CDH23: variants seen among roughly 807,000 people sequenced by gnomAD.
CDH23 encodes cadherin-23.
CDH23 carries 189 observed loss-of-function variants against 317.1 expected under a neutral mutation model. The ratio of observed to expected loss-of-function variants is 0.60; its 90% CI spans 0.53 to 0.67. The LOEUF (loss-of-function observed/expected upper bound fraction) is 0.67, where lower values mean the gene tolerates loss of function less well. CDH23 is among the 30% of genes least tolerant of loss of function. The probability of loss-of-function intolerance (pLI) is 0.00; values close to 1 mark genes in which losing one functional copy is unlikely to be tolerated. For synonymous variants in CDH23, 1,839 were observed against 1,876.8 expected, an observed-to-expected ratio of 0.98 and a Z score of 0.52; for missense variants, 4,401 against 4,592.4, an observed-to-expected ratio of 0.96 and a Z score of 1.20.
At chr10:71,627,052 G>A (rs1007962699) in intron 11 of CDH23, among the ~76,000 whole-genome samples, 12 of 152,018 alleles carry the variant, frequency 7.9e-5, no homozygotes, top group African/African-American at 2.2e-4. Context: ...CTCGCAGCAA[G>A]GGTTGAGCAT....
chr10:71,810,153 G>T, intron 61 of CDH23, 77 bp downstream of exon 61: 1 of 1,553,112 alleles, frequency 6.4e-7, no homozygotes. Flanking sequence ...GAGAGACAGG[G>T]CATTGTGCAA....
At chr10:71,505,976 C>A (rs927192849) in intron 3 of CDH23, among the ~76,000 whole-genome samples, 1 of 152,114 alleles carries the variant, frequency 6.6e-6, no homozygotes, top group South Asian at 2.1e-4. Context: ...CAGATGGGAA[C>A]AACATAAATA....
chr10:71,617,441 C>G (rs747998129), intron 11 of CDH23, 48 bp downstream of exon 11: 2 of 1,594,114 alleles, frequency 1.3e-6, no homozygotes, highest in South Asian at 2.2e-5. Context: ...CCCATCCAGA[C>G]CCACCACCCT....
chr10:71,712,582 G>A, intron 27 of CDH23, 83 bp from the exon 28 acceptor site: 1 of 1,526,664 alleles, frequency 6.6e-7, no homozygotes, highest in Admixed American at 1.8e-5. Flanking sequence ...TCTCTGGCCG[G>A]TGCCCGGGAG....
chr10:71,670,446 GGAATGGCA>G (rs1413139827), intron 14 of CDH23, among the ~76,000 whole-genome samples: 1 of 152,230 alleles, frequency 6.6e-6, no homozygotes, highest in Non-Finnish European at 1.5e-5. Context: ...ACAGTTTTCA[GGAATGGCA>G]GATTCTGCCA....
chr10:71,773,867 CAG>C (rs1462590418), intron 38 of CDH23, among the ~76,000 whole-genome samples: 1 of 152,118 alleles, frequency 6.6e-6, no homozygotes, highest in African/African-American at 2.4e-5. Flanking sequence ...GATCTGGGGA[CAG>C]AGACTTGTAC....
At chr10:71,792,838 AAAAAAAAAAAAAAAATAT>A (rs1433438346) in intron 47 of CDH23, among the ~76,000 whole-genome samples, 16 of 79,710 alleles carry the variant, frequency 2.0e-4, no homozygotes, top group African/African-American at 8.1e-4. Flanking sequence ...AAAAAAAAAA[AAAAAAAAAAAAAAAATAT>A]ATATATATAT....
chr10:71,612,425 G>T (rs997647534), intron 9 of CDH23, among the ~76,000 whole-genome samples: 1 of 151,990 alleles, frequency 6.6e-6, no homozygotes, highest in African/African-American at 2.4e-5. Context: ...GCTGAGTGAA[G>T]AAATACAAGT....
intron 6 of CDH23, among the ~76,000 whole-genome samples, chr10:71,536,758 G>GGAGAAGGTCAC (rs943191353): frequency 6.6e-6 from 1 of 152,148 alleles, no homozygotes; most frequent in African/African-American, 2.4e-5. Context: ...AAGGTCTTCA[G>GGAGAAGGTCAC]GAGAAGGTCA....
Position 71,724,028 on chromosome 10 carries a change from GTC to G in CDH23, c.3370-14_3370-13del. ...GGGTGGCATTCAAGAAGTAACTCGTGTCTCATTCTTCCTCAGCTGAAAGCCAC... is the reference window on the plus strand; with the variant it reads ...GGGTGGCATTCAAGAAGTAACTCGTGTCATTCTTCCTCAGCTGAAAGCCAC... On this transcript the variant is annotated splice_polypyrimidine_tract_variant and intron_variant, in intron 28 of 69. Transcript: ENST00000224721. 1 of 1,554,760 alleles carries G rather than the reference GTC, an allele frequency of 6.4e-7. No individual in the cohort carries two copies. Among genetic ancestry groups the G allele is most frequent in the South Asian group, 1.2e-5 (1 of 84,196 alleles).
At chr10:71,680,142 G>A (rs1450264992) in intron 17 of CDH23, among the ~76,000 whole-genome samples, 1 of 152,210 alleles carries the variant, frequency 6.6e-6, no homozygotes, top group East Asian at 1.9e-4. Context: ...CAGCCTCTTT[G>A]AACACTTTGA....
chr10:71,781,411 AAC>A (rs1476551423), intron 41 of CDH23, among the ~76,000 whole-genome samples: 1 of 152,156 alleles, frequency 6.6e-6, no homozygotes, highest in South Asian at 2.1e-4. Context: ...TGTTTTCACA[AAC>A]ACAGAGATTT....
chr10:71,777,667 C>A lies in CDH23; in HGVS notation c.4846-13C>A, dbSNP rs1382068156. On this transcript the variant is annotated splice_polypyrimidine_tract_variant and intron_variant, in intron 38 of 69. Transcript: ENST00000224721. ...GCCACCTGACCAAGGACGTGACCCA[C>A]TCTTTTCCACAGGCCACCACGCACG... The A allele has an allele frequency of 1.7e-5, 27 of 1,602,032 alleles. No homozygotes were observed. The highest frequency in any genetic ancestry group is 2.3e-5 in the Non-Finnish European group (27 of 1,174,660).
chr10:71,667,359 A>AGAGAGAGTGT lies in CDH23; in HGVS notation c.1450-7752_1450-7751insAGAGAGTGTG, dbSNP rs58361666. 6.3e-3 allele frequency among the ~76,000 whole-genome samples: 711 copies of AGAGAGAGTGT among 112,064 alleles called. 7 individuals carry two copies. Among genetic ancestry groups the AGAGAGAGTGT allele is most frequent in the African/African-American group, 0.025 (617 of 24,930 alleles). 73.5% of individuals were successfully genotyped at this position (112,064 alleles called of 152,430 possible). A position where few individuals can be genotyped will look rare whatever the true frequency, so the allele number is the denominator to read the frequency against. ...GCTTGAGGCAGAGAAAGAGAGAGAGAGTGTGTGTGTGTGTGTGTGTGTGTG... is the reference window on the plus strand; with the variant it reads ...GCTTGAGGCAGAGAAAGAGAGAGAGAGAGAGAGTGTGTGTGTGTGTGTGTGTGTGTGTGTG... On this transcript the variant is annotated intron_variant, in intron 14 of 69. Transcript: ENST00000224721.
rs750464510 is a variant in CDH23 at position 71,702,000 on chromosome 10, G to C, written c.2398-22G>C. The C allele has an allele frequency of 1.9e-6, 3 of 1,612,760 alleles. No individual in the cohort carries two copies. The East Asian group carries it at 6.7e-5, about 36-fold the overall frequency. Reference sequence around the variant, plus strand: ...CCTCCCCAGGCGCGGCTCAGTGAAGGGGTCTGCTCCCTCCCGGGCAGGTGG... The same window carrying C: ...CCTCCCCAGGCGCGGCTCAGTGAAGCGGTCTGCTCCCTCCCGGGCAGGTGG... On this transcript the variant is annotated intron_variant, in intron 22 of 69. Transcript: ENST00000224721.
chr10:71,645,737 G>T (rs1862814211), intron 12 of CDH23, 94 bp from the exon 13 acceptor site: 2 of 1,432,184 alleles, frequency 1.4e-6, no homozygotes, highest in Non-Finnish European at 2.0e-6. Context: ...AGCAGCTCTG[G>T]GCTCACTCTC....
chr10:71,485,379 G>T (rs1477899217), intron 3 of CDH23, among the ~76,000 whole-genome samples: 1 of 152,170 alleles, frequency 6.6e-6, no homozygotes, highest in Non-Finnish European at 1.5e-5. Flanking sequence ...TGCAGAGTTG[G>T]TTGGCTCAGG....
At chr10:71,628,843 A>C (rs1291878098) in intron 11 of CDH23, among the ~76,000 whole-genome samples, 1 of 152,222 alleles carries the variant, frequency 6.6e-6, no homozygotes, top group Non-Finnish European at 1.5e-5. Flanking sequence ...TTTACATCCC[A>C]GGTTGCAAGG....
intron 8 of CDH23, among the ~76,000 whole-genome samples, chr10:71,577,398 G>A (rs1038775423): frequency 6.6e-6 from 1 of 152,076 alleles, no homozygotes; most frequent in Admixed American, 6.6e-5. Context: ...GTCATCCCCC[G>A]AGATACCTGC....
Sources: gnomAD v4.1 joint callset for allele counts (sites outside exome capture counted in the v4.1 genomes callset) on GRCh38, gnomAD v4.1.1 for gene constraint, MANE v1.5 for transcripts, NCBI Gene and HGNC (gene_info 2026-07-23, HGNC 2026-07-21) for gene names.